Variants in ELAVL4 observed in about 807,000 individuals in gnomAD.
ELAVL4 encodes ELAV like RNA binding protein 4.
ELAVL4 carries 1 observed loss-of-function variant against 35.6 expected under a neutral mutation model. That is an observed-to-expected ratio of 0.03 (90% CI 0.01 to 0.13). ELAVL4 has a LOEUF of 0.13. ELAVL4 is among the 10% of genes least tolerant of loss of function. ELAVL4 has a pLI of 1.00. For synonymous variants in ELAVL4, 156 were observed against 171.0 expected, an observed-to-expected ratio of 0.91 and a Z score of 0.69; for missense variants, 267 against 464.9, an observed-to-expected ratio of 0.57 and a Z score of 3.91.
Position 50,201,239 on chromosome 1 carries a change from G to A in ELAVL4, c.*61G>A, listed in dbSNP as rs972237380. ...ATATATACGAACAAAACACACGCGC[G>A]CACACACACACATACACGAAAGAGA... On this transcript the variant is annotated 3_prime_UTR_variant, in exon 7 of 7. Transcript: ENST00000371824. This position sits in a 1 kb window ranked among gnomAD's most constrained non-coding sequence, Gnocchi z 4.3. 3.0e-5 allele frequency: 43 copies of A among 1,423,552 alleles called. No individual in the cohort carries two copies. The highest frequency in any genetic ancestry group is 5.1e-5 in the East Asian group (2 of 39,324). 88.2% of individuals were successfully genotyped at this position (1,423,552 alleles called of 1,614,324 possible). A position where few individuals can be genotyped will look rare whatever the true frequency, so the allele number is the denominator to read the frequency against.
chr1:50,094,192 A>G (rs1254320127), intron 1 of ELAVL4, among the ~76,000 whole-genome samples: 2 of 152,258 alleles, frequency 1.3e-5, no homozygotes, highest in Non-Finnish European at 2.9e-5. Flanking sequence ...ATCATTTATT[A>G]TGAATCAGAT....
chr1:50,106,847 C>T (rs1666366947), upstream of ELAVL4, among the ~76,000 whole-genome samples: 1 of 152,148 alleles, frequency 6.6e-6, no homozygotes. Context: ...ACTGTATATA[C>T]AGCTACTATT....
chr1:50,177,895 A>G (rs1033403574), intron 3 of ELAVL4, among the ~76,000 whole-genome samples: 4 of 152,210 alleles, frequency 2.6e-5, no homozygotes, highest in African/African-American at 4.8e-5. Flanking sequence ...GGGTTGTTTT[A>G]AGTCAAAAAA....
intron 1 of ELAVL4, among the ~76,000 whole-genome samples, chr1:50,064,057 G>C (rs1664138719): frequency 6.6e-6 from 1 of 152,162 alleles, no homozygotes; most frequent in Non-Finnish European, 1.5e-5. Flanking sequence ...AAAAGCTTGT[G>C]CCAAGTCCCA....
chr1:50,056,178 TACTC>T (rs1448447031), intron 1 of ELAVL4, among the ~76,000 whole-genome samples: 1 of 152,224 alleles, frequency 6.6e-6, no homozygotes, highest in East Asian at 1.9e-4. Flanking sequence ...TTGAGGATCT[TACTC>T]AGGTCACTGG....
At chr1:50,050,538 G>A (rs1018013559) in intron 1 of ELAVL4, among the ~76,000 whole-genome samples, 1 of 152,128 alleles carries the variant, frequency 6.6e-6, no homozygotes, top group African/African-American at 2.4e-5. Context: ...GCCTTTGGGA[G>A]GCCTAATTCT....
intron 1 of ELAVL4, among the ~76,000 whole-genome samples, chr1:50,138,647 G>T (rs891261398): frequency 6.6e-6 from 1 of 151,970 alleles, no homozygotes; most frequent in Non-Finnish European, 1.5e-5. Flanking sequence ...TGTATTTTTA[G>T]TAGAGGTGGG....
chr1:50,084,334 G>A (rs1665140808), intron 1 of ELAVL4, among the ~76,000 whole-genome samples: 1 of 152,116 alleles, frequency 6.6e-6, no homozygotes. Context: ...GCTTAGAAAG[G>A]TTAAATAATT....
At position 50,080,205 on chromosome 1, in the gene ELAVL4, C is replaced by T. The variant is rs546199242; in HGVS notation, c.18+32023C>T. 2.0e-5 allele frequency among the ~76,000 whole-genome samples: 3 copies of T among 152,296 alleles called. No individual in the cohort carries two copies. The East Asian group carries it at 5.8e-4, about 29-fold the overall frequency. The stretch of plus-strand genomic sequence containing the variant: ...TCAATGAAGTTAACTAAATGTAAAT[C>T]AGTACTGGCACTAGCATTCCCAACT... On this transcript the variant is annotated intron_variant, in intron 1 of 6. Coordinates refer to the ELAVL4 transcript ENST00000448907.
At chr1:50,053,957 G>A (rs1663530398) in intron 1 of ELAVL4, among the ~76,000 whole-genome samples, 1 of 152,198 alleles carries the variant, frequency 6.6e-6, no homozygotes. Context: ...TTTTAGTTGT[G>A]TGGCTATCTG....
intron 2 of ELAVL4, 37 bp from the exon 3 acceptor site, chr1:50,177,052 C>T (rs547562785): frequency 2.6e-6 from 4 of 1,546,384 alleles, no homozygotes; most frequent in Non-Finnish European, 3.6e-6. Flanking sequence ...GTCTGTCTCT[C>T]TCTCCCTTTC....
intron 1 of ELAVL4, among the ~76,000 whole-genome samples, chr1:50,137,244 T>C (rs903036867): frequency 6.6e-6 from 1 of 152,040 alleles, no homozygotes; most frequent in Non-Finnish European, 1.5e-5. Context: ...CACAATATGG[T>C]GTGGTTGGCA....
intron 1 of ELAVL4, among the ~76,000 whole-genome samples, chr1:50,086,238 CTT>C (rs1199406677): frequency 6.6e-6 from 1 of 151,620 alleles, no homozygotes; most frequent in East Asian, 1.9e-4. Context: ...TAATGGGTTA[CTT>C]TTTTTTCCTA....
chr1:50,133,603 G>GAA lies in ELAVL4; in HGVS notation c.10-11352_10-11351dup, dbSNP rs1421617959. Among the ~76,000 whole-genome samples the GAA allele has an allele frequency of 2.2e-4, 19 of 86,214 alleles. 1 individual carries two copies. The highest frequency in any genetic ancestry group is 9.5e-3 in the Middle Eastern group (2 of 210). 56.6% of individuals were successfully genotyped at this position (86,214 alleles called of 152,430 possible). Reference sequence around the variant, plus strand: ...GAGAGAAAGAAAGAAAGAAAGAAAAGAAAGAAAGAAAGAAAGAAAGAAAGA... The same window carrying GAA: ...GAGAGAAAGAAAGAAAGAAAGAAAAGAAAAAGAAAGAAAGAAAGAAAGAAAGA... On this transcript the variant is annotated intron_variant, in intron 1 of 6. Coordinates refer to ENST00000371824, the MANE Select transcript of ELAVL4 (RefSeq NM_001144774.3).
At chr1:50,112,072 TC>T (rs1557713741) in intron 1 of ELAVL4, among the ~76,000 whole-genome samples, 1 of 152,076 alleles carries the variant, frequency 6.6e-6, no homozygotes, top group Non-Finnish European at 1.5e-5. Context: ...TCATTGCAAA[TC>T]CCCCCAATTC....
chr1:50,085,388 C>T (rs538312255), intron 1 of ELAVL4, among the ~76,000 whole-genome samples: 15 of 152,286 alleles, frequency 9.8e-5, no homozygotes, highest in Admixed American at 2.0e-4. Flanking sequence ...CCTATAATCA[C>T]AGCACTTTGG....
intron 3 of ELAVL4, among the ~76,000 whole-genome samples, chr1:50,179,198 T>C (rs1680627136): frequency 1.3e-5 from 2 of 149,970 alleles, no homozygotes; most frequent in South Asian, 4.4e-4. Flanking sequence ...ATCAAAACGC[T>C]GCCAACACAT....
intron 1 of ELAVL4, among the ~76,000 whole-genome samples, chr1:50,140,179 T>C (rs1236361158): frequency 6.6e-6 from 1 of 152,228 alleles, no homozygotes; most frequent in African/African-American, 2.4e-5. Flanking sequence ...GCTTGGAACC[T>C]GGTCAGCTGC....
chr1:50,188,198 A>T (rs747326026), intron 3 of ELAVL4, among the ~76,000 whole-genome samples: 6 of 152,128 alleles, frequency 3.9e-5, no homozygotes, highest in Non-Finnish European at 5.9e-5. Context: ...GCTGTCTTGG[A>T]TCATGCCATG....
Sources: gnomAD v4.1 joint callset for allele counts (sites outside exome capture counted in the v4.1 genomes callset) on GRCh38, gnomAD v4.1.1 for gene constraint, Gnocchi (gnomAD v3.1) non-coding constraint, MANE v1.5 for transcripts, NCBI Gene and HGNC (gene_info 2026-07-23, HGNC 2026-07-21) for gene names.